The following CERK variants were observed in gnomAD, a reference collection of about 807,000 sequenced individuals.
The protein encoded by CERK is acylsphingosine kinase.
A neutral mutation model predicts 63.4 loss-of-function variants in CERK; 39 were observed. The observed-to-expected ratio is 0.61, with a 90% CI of 0.48 to 0.80. The LOEUF is 0.80. CERK is among the 30% of genes least tolerant of loss of function. The pLI, the probability that CERK is intolerant of heterozygous loss-of-function variation, is 0.00. For missense variants in CERK, 670 were observed against 714.1 expected, an observed-to-expected ratio of 0.94 and a Z score of 0.70; for synonymous variants, 302 against 280.0, an observed-to-expected ratio of 1.08 and a Z score of -0.78.
chr22:46,722,406 G>A (rs1157082005), intron 1 of CERK, among the ~76,000 whole-genome samples: 1 of 152,214 alleles, frequency 6.6e-6, no homozygotes, highest in East Asian at 1.9e-4. Flanking sequence ...ACTTGATGGG[G>A]AGGGGGTGGG....
chr22:46,686,865 G>A lies in CERK; in HGVS notation c.*269C>T, dbSNP rs73471143. 3,279 of 438,156 alleles carry A rather than the reference G, an allele frequency of 7.5e-3. 86 individuals carry two copies. The highest frequency in any genetic ancestry group is 0.059 in the African/African-American group (2,973 of 50,598). The allele number at this position is 438,156 out of a possible 1,614,324, so 27.1% of individuals were successfully genotyped here. ...TTTTCTAAACTACACTGTTGACATC[G>A]TTAAAACCTAAGAGGCCAGTGCCCC... On this transcript the variant is annotated 3_prime_UTR_variant, in exon 13 of 13. Transcript: ENST00000216264.
intron 12 of CERK, among the ~76,000 whole-genome samples, chr22:46,688,542 G>A (rs777547851): frequency 5.9e-5 from 9 of 152,214 alleles, no homozygotes; most frequent in Non-Finnish European, 1.2e-4. Flanking sequence ...GCGTGGCCCT[G>A]GGCCTGGGGA....
Position 46,724,795 on chromosome 22 carries a change from G to A in CERK, c.143-3780C>T, listed in dbSNP as rs1027706133. On this transcript the variant is annotated intron_variant, in intron 1 of 12. Coordinates refer to ENST00000216264, the MANE Select transcript of CERK (RefSeq NM_022766.6). Reference sequence around the variant, plus strand: ...TGCACTTTGGGAGGCTAAGGTGGGCGGATCACGAGGTCAGGAGATCGAGAC... The same window carrying A: ...TGCACTTTGGGAGGCTAAGGTGGGCAGATCACGAGGTCAGGAGATCGAGAC... Among the ~76,000 whole-genome samples, 22 of 152,208 alleles carry A rather than the reference G, an allele frequency of 1.4e-4. No individual in the cohort carries two copies. The East Asian group carries it at 1.5e-3, about 11-fold the overall frequency.
At chr22:46,726,927 G>A (rs780150167) in intron 1 of CERK, among the ~76,000 whole-genome samples, 1 of 152,224 alleles carries the variant, frequency 6.6e-6, no homozygotes, top group Non-Finnish European at 1.5e-5. Flanking sequence ...CCTTGCCTCC[G>A]CTGCGGCTGC....
chr22:46,711,199 T>C (rs777305194), intron 4 of CERK, 50 bp from the exon 5 acceptor site: 1 of 1,397,572 alleles, frequency 7.2e-7, no homozygotes. Context: ...CTGTGAGTCC[T>C]CACGTAAAAG....
At chr22:46,708,070 A>T in intron 5 of CERK, 82 bp from the exon 6 acceptor site, 1 of 1,450,132 alleles carries the variant, frequency 6.9e-7, no homozygotes, top group African/African-American at 1.4e-5. Flanking sequence ...CAGCTTCAGG[A>T]GGGGCAGCCT....
At chr22:46,719,293 CA>C (rs2082880988) in intron 3 of CERK, among the ~76,000 whole-genome samples, 1 of 152,012 alleles carries the variant, frequency 6.6e-6, no homozygotes, top group African/African-American at 2.4e-5. Context: ...GCCATCCTAC[CA>C]CTTTTTAAGG....
intron 8 of CERK, among the ~76,000 whole-genome samples, chr22:46,696,506 G>A (rs1174714747): frequency 6.6e-6 from 1 of 152,064 alleles, no homozygotes; most frequent in Non-Finnish European, 1.5e-5. Context: ...CAGCCTCCAG[G>A]GTGGCGCCTC....
At chr22:46,727,583 C>CTAATGAACTAAGAACTAAGA (rs2082925445) in intron 1 of CERK, among the ~76,000 whole-genome samples, 1 of 152,094 alleles carries the variant, frequency 6.6e-6, no homozygotes, top group South Asian at 2.1e-4. Flanking sequence ...GCGTGAGCCA[C>CTAATGAACTAAGAACTAAGA]TGTGCCCAGT....
In CERK at chr22:46,719,515, T is replaced by C. The variant is rs570421155; in HGVS notation, c.379+571A>G. 1.3e-3 allele frequency among the ~76,000 whole-genome samples: 193 copies of C among 151,416 alleles called. 2 individuals carry two copies. The highest frequency in any genetic ancestry group is 0.011 in the South Asian group (52 of 4,764). ...GGTAAAACCCCATCTCTACTAAAAA[T>C]ACAAAAATTAGCCAGGCGTGGTGGC... On this transcript the variant is annotated intron_variant, in intron 3 of 12. Coordinates refer to ENST00000216264, the MANE Select transcript of CERK (RefSeq NM_022766.6).
intron 1 of CERK, among the ~76,000 whole-genome samples, chr22:46,724,230 C>T (rs1164292184): frequency 2.6e-5 from 4 of 152,028 alleles, no homozygotes; most frequent in African/African-American, 4.8e-5. Flanking sequence ...TTCTTAACCA[C>T]GTTTTCTTTT....
intron 3 of CERK, among the ~76,000 whole-genome samples, chr22:46,712,508 C>T (rs2082846445): frequency 6.6e-6 from 1 of 152,204 alleles, no homozygotes; most frequent in African/African-American, 2.4e-5. Context: ...AGGCTATACA[C>T]ACATGTCGGA....
At chr22:46,724,550 C>A (rs2082908320) in intron 1 of CERK, among the ~76,000 whole-genome samples, 2 of 152,146 alleles carry the variant, frequency 1.3e-5, no homozygotes, top group South Asian at 4.1e-4. Context: ...CTTGGCGTGG[C>A]TTTGGCCTGT....
At chr22:46,699,498 C>T in intron 7 of CERK, 33 bp from the exon 8 acceptor site, 1 of 1,609,962 alleles carries the variant, frequency 6.2e-7, no homozygotes, top group South Asian at 1.1e-5. Flanking sequence ...GGGAAGGCAG[C>T]CCCCCTCCAG....
chr22:46,699,523 C>T, intron 7 of CERK, 58 bp from the exon 8 acceptor site: 6 of 1,544,032 alleles, frequency 3.9e-6, no homozygotes, highest in African/African-American at 1.4e-5. Flanking sequence ...GCCCCATCCA[C>T]TCCATCCCCT....
Position 46,738,028 on chromosome 22 carries a change from C to G in CERK, c.121G>C (p.Gly41Arg). 5 of 1,193,406 alleles carry G rather than the reference C, an allele frequency of 4.2e-6. No individual in the cohort carries two copies. The highest frequency in any genetic ancestry group is 5.2e-6 in the Non-Finnish European group (5 of 966,298). 73.9% of individuals were successfully genotyped at this position (1,193,406 alleles called of 1,614,324 possible). ...LLRWWRSPGP[G>R]AGAPGADACS... is the part of the protein sequence containing the mutation. Reference sequence around the variant, plus strand: ...TCACCCGCGCCGGGGGCGCCGGCTCCGGGCCCCGGGCTCCGCCACCAGCGC... The same window carrying G: ...TCACCCGCGCCGGGGGCGCCGGCTCGGGGCCCCGGGCTCCGCCACCAGCGC... The change falls in exon 1 of 13, where the codon GGA becomes CGA. Residue 41 changes from glycine to arginine, a missense_variant. Gly to Arg is a moderately radical substitution (Grantham distance 125, BLOSUM62 -2). Coordinates refer to ENST00000216264, the MANE Select transcript of CERK (RefSeq NM_022766.6).
At chr22:46,710,164 C>T (rs2082833276) in intron 5 of CERK, among the ~76,000 whole-genome samples, 1 of 152,198 alleles carries the variant, frequency 6.6e-6, no homozygotes. Flanking sequence ...CGCGGTGGCT[C>T]ATGCCTGTAA....
intron 4 of CERK, 48 bp from the exon 5 acceptor site, chr22:46,711,197 C>A: frequency 1.4e-6 from 2 of 1,407,906 alleles, no homozygotes; most frequent in South Asian, 2.3e-5. Flanking sequence ...ATCTGTGAGT[C>A]CTCACGTAAA....
intron 8 of CERK, among the ~76,000 whole-genome samples, chr22:46,695,535 G>A (rs915728128): frequency 6.6e-6 from 1 of 152,264 alleles, no homozygotes; most frequent in African/African-American, 2.4e-5. Flanking sequence ...TAGTGCTGGT[G>A]CCTTCTGACA....
Sources: allele counts gnomAD v4.1 joint callset (sites outside exome capture counted in the v4.1 genomes callset), GRCh38; gene constraint gnomAD v4.1.1; transcripts MANE v1.5; gene names NCBI Gene and HGNC (gene_info 2026-07-23, HGNC 2026-07-21).